The following TMEM179 variants were observed in gnomAD, a reference collection of about 807,000 sequenced individuals.
TMEM179 encodes the protein transmembrane protein 179, also known as transmembrane protein 179A.
TMEM179 carries 17 observed loss-of-function variants against 22.2 expected under a neutral mutation model. The ratio of observed to expected loss-of-function variants is 0.77; its 90% CI spans 0.52 to 1.15. The LOEUF (loss-of-function observed/expected upper bound fraction) is 1.15. Ranked by LOEUF, TMEM179 falls within the 50% of genes most tolerant of loss-of-function variation. TMEM179 has a pLI of 0.00. For missense variants in TMEM179, 265 were observed against 313.6 expected, an observed-to-expected ratio of 0.84 and a Z score of 1.17; for synonymous variants, 127 against 140.5, an observed-to-expected ratio of 0.90 and a Z score of 0.68.
At chr14:104,594,859 C>T (rs1167587903) in intron 3 of TMEM179, 10 of 1,314,386 alleles carry the variant, frequency 7.6e-6, no homozygotes, top group African/African-American at 4.5e-5. Flanking sequence ...TGCCTGGTTT[C>T]GTTTCTGGCA....
In TMEM179 at chr14:104,593,308, C is replaced by T. The variant is rs1221043212; in HGVS notation, c.*171G>A. The T allele has an allele frequency of 1.3e-6, 1 of 745,428 alleles. No homozygotes were observed. The highest frequency in any genetic ancestry group is 1.8e-5 in the South Asian group (1 of 55,186). 46.2% of individuals were successfully genotyped at this position (745,428 alleles called of 1,614,324 possible). ...CACCCACCCAGTCCACTGCCAGGCT[C>T]ACAGGTGGGCACTGGGGCGCTCACC... is the stretch of plus-strand genomic sequence containing the variant. On this transcript the variant is annotated 3_prime_UTR_variant, in exon 4 of 4. Coordinates refer to ENST00000556573, the MANE Select transcript of TMEM179 (RefSeq NM_001286389.2).
At chr14:104,596,324 G>C (rs952246715) in intron 2 of TMEM179, among the ~76,000 whole-genome samples, 2 of 152,296 alleles carry the variant, frequency 1.3e-5, no homozygotes, top group East Asian at 3.9e-4. Context: ...ATCCCACTGT[G>C]GGGGGCAGGC....
rs938032832 is a variant in TMEM179 at position 104,594,100 on chromosome 14, A to C, written c.523-442T>G. On this transcript the variant is annotated intron_variant, in intron 3 of 3. Transcript: ENST00000556573. ...CGCTGTTTCCAAACAGTTGAAGGAG[A>C]AACAATTTAATCAGAACCAGGCCTG... The C allele has an allele frequency of 6.5e-6, 8 of 1,233,266 alleles. No homozygotes were observed. In the South Asian group the frequency reaches 3.4e-4, roughly 52 times the overall value. 76.4% of individuals were successfully genotyped at this position (1,233,266 alleles called of 1,614,324 possible).
Position 104,593,465 on chromosome 14 carries a change from T to C in TMEM179, c.*14A>G. On this transcript the variant is annotated 3_prime_UTR_variant, in exon 4 of 4. Transcript: ENST00000556573. ...CAGGGAGGTCGGGGCCAGCTCCCCCTGCCTGCACTGTGCCTAAATGACAGC... is the reference window on the plus strand; with the variant it reads ...CAGGGAGGTCGGGGCCAGCTCCCCCCGCCTGCACTGTGCCTAAATGACAGC... 1 of 1,535,984 alleles carries C rather than the reference T, an allele frequency of 6.5e-7. No individual in the cohort carries two copies. The highest frequency in any genetic ancestry group is 8.7e-7 in the Non-Finnish European group (1 of 1,146,812).
intron 3 of TMEM179, chr14:104,594,444 T>C (rs1213136358): frequency 8.1e-7 from 1 of 1,231,734 alleles, no homozygotes; most frequent in East Asian, 3.2e-5. Flanking sequence ...AGGTGTCTGG[T>C]CTCAGCCACC....
intron 1 of TMEM179, among the ~76,000 whole-genome samples, chr14:104,599,115 A>G (rs8017525): frequency 0.83 from 126,886 of 152,162 alleles, 53,907 homozygotes; most frequent in Middle Eastern, 0.92. Flanking sequence ...GTCCCTCTCC[A>G]GCCCAGTGTG....
chr14:104,600,787 G>T (rs1359554407), intron 1 of TMEM179, among the ~76,000 whole-genome samples: 1 of 152,220 alleles, frequency 6.6e-6, no homozygotes, highest in Non-Finnish European at 1.5e-5. Flanking sequence ...GAGGAAGCTG[G>T]CACCTGAGAC....
At chr14:104,600,603 C>T (rs531236270) in intron 1 of TMEM179, among the ~76,000 whole-genome samples, 1 of 151,800 alleles carries the variant, frequency 6.6e-6, no homozygotes, top group African/African-American at 2.4e-5. Flanking sequence ...TTCATTCATT[C>T]ATTCATTTAC....
At chr14:104,603,931 T>A (rs908620228) in intron 1 of TMEM179, among the ~76,000 whole-genome samples, 2 of 152,190 alleles carry the variant, frequency 1.3e-5, no homozygotes, top group African/African-American at 4.8e-5. Context: ...ATCCAAGGCC[T>A]GAGCTCGAGG....
intron 3 of TMEM179, chr14:104,594,461 C>T (rs866762659): frequency 8.9e-6 from 11 of 1,231,780 alleles, no homozygotes; most frequent in East Asian, 3.2e-5. Flanking sequence ...CACCCCCACC[C>T]GGCACCCCTC....
intron 3 of TMEM179, chr14:104,594,170 C>T: frequency 8.1e-7 from 1 of 1,232,278 alleles, no homozygotes. Flanking sequence ...TGCCATCAGA[C>T]TGCACTCACA....
chr14:104,598,419 T>A (rs1887115824), intron 1 of TMEM179, among the ~76,000 whole-genome samples: 2 of 152,334 alleles, frequency 1.3e-5, no homozygotes, highest in Middle Eastern at 3.4e-3. Flanking sequence ...TTCACAGCGA[T>A]CATTTAATAA....
chr14:104,601,757 A>T (rs1030827390), intron 1 of TMEM179, among the ~76,000 whole-genome samples: 8 of 152,146 alleles, frequency 5.3e-5, no homozygotes, highest in African/African-American at 1.9e-4. Flanking sequence ...GAAGCAAAGG[A>T]GCTGAACCTG....
At position 104,597,066 on chromosome 14, in the gene TMEM179, T is replaced by C; in HGVS notation, c.367A>G (p.Ile123Val). 5 of 1,609,130 alleles carry C rather than the reference T, an allele frequency of 3.1e-6. No individual in the cohort carries two copies. In the East Asian group the frequency reaches 8.9e-5, roughly 29 times the overall value. The change falls in exon 2 of 4, where the codon ATT (isoleucine) becomes GTT (valine). Residue 123 changes from isoleucine (I) to valine (V), a missense_variant. Ile to Val is a conservative substitution (Grantham distance 29). Transcript: ENST00000556573. The surrounding 1 kb of genome is among the most constrained non-coding windows in gnomAD (Gnocchi z 4.8). The part of the protein sequence containing the change: ...VSAFVVFLVF[I>V]ASTIVSVGFT... ...CCCACGCTCACGATGGTGCTGGCAA[T>C]GAAGACCAGGAAGACCACGAAGGCG...
chr14:104,593,296 C>A lies in TMEM179; in HGVS notation c.*183G>T, dbSNP rs1278024845. 2 of 697,930 alleles carry A rather than the reference C, an allele frequency of 2.9e-6. No homozygotes were observed. The highest frequency in any genetic ancestry group is 1.9e-5 in the South Asian group (1 of 53,680). 43.2% of individuals were successfully genotyped at this position (697,930 alleles called of 1,614,324 possible). A position where few individuals can be genotyped will look rare whatever the true frequency, so the allele number is the denominator to read the frequency against. On this transcript the variant is annotated 3_prime_UTR_variant, in exon 4 of 4. Transcript: ENST00000556573. ...TCAGGGAGCCGGCACCCACCCAGTC[C>A]ACTGCCAGGCTCACAGGTGGGCACT...
In TMEM179 at chr14:104,600,407, A is replaced by T. The variant is rs529205890; in HGVS notation, c.306-3280T>A. 4.6e-4 allele frequency among the ~76,000 whole-genome samples: 70 copies of T among 152,326 alleles called. 1 individual carries two copies. Among genetic ancestry groups the T allele is most frequent in the African/African-American group, 1.7e-3 (70 of 41,572 alleles). ...GTGAAGGCTCAGCGCCGGCACGGGC[A>T]GGCAGATGAGTTTAACGCAGCATCC... On this transcript the variant is annotated intron_variant, in intron 1 of 3. Transcript: ENST00000556573.
rs756810440 is a variant in TMEM179, at chr14:104,595,907, G to GC, written c.444-665dup. ...GGTGCCAGAAAGAGGGGGCCCAGCG[G>GC]CCCCAAATCCCTGGAGGGGCTGAAG... is the stretch of plus-strand genomic sequence containing the variant. On this transcript the variant is annotated intron_variant, in intron 2 of 3. Coordinates refer to ENST00000556573, the MANE Select transcript of TMEM179 (RefSeq NM_001286389.2). The surrounding 1 kb of genome is among the most constrained non-coding windows in gnomAD (Gnocchi z 5.7). 1.6e-4 allele frequency among the ~76,000 whole-genome samples: 25 copies of GC among 152,264 alleles called. No individual in the cohort carries two copies. The highest frequency in any genetic ancestry group is 2.6e-4 in the Admixed American group (4 of 15,294).
chr14:104,594,056 G>C, intron 3 of TMEM179: 1 of 1,231,924 alleles, frequency 8.1e-7, no homozygotes, highest in South Asian at 4.2e-5. Context: ...CCAACCACCG[G>C]AATAAATTGA....
rs1886983461 is a variant in TMEM179, at chr14:104,595,305, G to A, written c.444-62C>T. The A allele has an allele frequency of 3.9e-6, 6 of 1,524,940 alleles. No individual in the cohort carries two copies. Among genetic ancestry groups the A allele is most frequent in the Non-Finnish European group, 5.4e-6 (6 of 1,118,452 alleles). The allele number at this position is 1,524,940 out of a possible 1,614,324, so 94.5% of individuals were successfully genotyped here. ...AGGACAGCCAGTGCGGGACATGGCTGAGCCGCTGGCCAGAGAGCCAGGAGC... is the reference window on the plus strand; with the variant it reads ...AGGACAGCCAGTGCGGGACATGGCTAAGCCGCTGGCCAGAGAGCCAGGAGC... On this transcript the variant is annotated intron_variant, in intron 2 of 3. Transcript: ENST00000556573. The surrounding 1 kb of genome is among the most constrained non-coding windows in gnomAD (Gnocchi z 5.7).
Sources: gnomAD v4.1 joint callset for allele counts (sites outside exome capture counted in the v4.1 genomes callset) on GRCh38, gnomAD v4.1.1 for gene constraint, Gnocchi (gnomAD v3.1) non-coding constraint, MANE v1.5 for transcripts, NCBI Gene and HGNC (gene_info 2026-07-23, HGNC 2026-07-21) for gene names.